VAC14: variants seen among roughly 807,000 people sequenced by gnomAD.
VAC14 encodes the protein VAC14 component of PIKFYVE complex.
VAC14 carries 47 observed loss-of-function variants against 85.3 expected under a neutral mutation model. That is an observed-to-expected ratio of 0.55 (90% CI 0.44 to 0.70). The LOEUF (loss-of-function observed/expected upper bound fraction) is 0.70, where lower values mean the gene tolerates loss of function less well. Ranked by LOEUF, VAC14 falls within the 30% of genes least tolerant of loss-of-function variation. VAC14 has a pLI of 0.00. For synonymous variants in VAC14, 447 were observed against 430.5 expected, an observed-to-expected ratio of 1.04 and a Z score of -0.47; for missense variants, 861 against 1,004.3, an observed-to-expected ratio of 0.86 and a Z score of 1.93.
At chr16:70,782,391 T>G (rs2033856927) in intron 7 of VAC14, among the ~76,000 whole-genome samples, 1 of 152,376 alleles carries the variant, frequency 6.6e-6, no homozygotes, top group South Asian at 2.1e-4. Context: ...CCTTGCTCAC[T>G]TCTACTGTCT....
At chr16:70,763,315 G>A (rs770722663) in intron 10 of VAC14, among the ~76,000 whole-genome samples, 1 of 152,170 alleles carries the variant, frequency 6.6e-6, no homozygotes, top group Non-Finnish European at 1.5e-5. Flanking sequence ...GGGGGATGAG[G>A]ACCAGTCTGC....
At chr16:70,739,168 G>A (rs2030008081) in intron 13 of VAC14, among the ~76,000 whole-genome samples, 1 of 152,226 alleles carries the variant, frequency 6.6e-6, no homozygotes, top group African/African-American at 2.4e-5. Flanking sequence ...TATAGAGAGG[G>A]AAGAAGTAGC....
At position 70,785,854 on chromosome 16, in the gene VAC14, G is replaced by C; in HGVS notation, c.271C>G (p.Leu91Val). 6.2e-7 allele frequency: 1 copy of C among 1,605,096 alleles called. No individual in the cohort carries two copies. Among genetic ancestry groups the C allele is most frequent in the Non-Finnish European group, 8.5e-7 (1 of 1,175,396 alleles). ...AGCACTGGCTCGATCAGCTCCTTCA[G>C]GTAGAGCCCTGAGTCCTGCAAGGAG... ...IALGKDSGLY[L>V]KELIEPVLTC... The change falls in exon 3 of 19, where the codon CTG (leucine) becomes GTG (valine). Residue 91 changes from leucine (L) to valine (V), a missense_variant. Leu to Val is a conservative substitution (Grantham distance 32). This residue lies in a region of VAC14 where 629 missense variants were observed against 703.1 expected (regional missense o/e 0.89). Coordinates refer to ENST00000261776, the MANE Select transcript of VAC14 (RefSeq NM_018052.5).
At chr16:70,783,161 T>C in intron 6 of VAC14, 22 bp from the exon 7 acceptor site, 2 of 1,609,668 alleles carry the variant, frequency 1.2e-6, no homozygotes, top group Non-Finnish European at 1.7e-6. Flanking sequence ...AACAGGAAAG[T>C]GGAAACAGCG....
At position 70,785,337 on chromosome 16, in the gene VAC14, CACTTATGAGCTAG is replaced by C. The variant is rs1225803415; in HGVS notation, c.423+352_423+364del. Reference sequence around the variant, plus strand: ...AGGAGAGCATGAGCTTTTTCTAGGGCACTTATGAGCTAGACTAAGTGCAGCCCTCCCTAAAGGG... The same window carrying C: ...AGGAGAGCATGAGCTTTTTCTAGGGCACTAAGTGCAGCCCTCCCTAAAGGG... On this transcript the variant is annotated intron_variant, in intron 3 of 18. Coordinates refer to ENST00000261776, the MANE Select transcript of VAC14 (RefSeq NM_018052.5). Among the ~76,000 whole-genome samples the C allele has an allele frequency of 2.0e-5, 3 of 152,224 alleles. No individual in the cohort carries two copies. In the East Asian group the frequency reaches 5.8e-4, roughly 29 times the overall value.
intron 13 of VAC14, among the ~76,000 whole-genome samples, chr16:70,736,025 G>A (rs771172243): frequency 2.6e-5 from 4 of 152,198 alleles, no homozygotes; most frequent in Admixed American, 6.5e-5. Context: ...GTAGGCCGTG[G>A]TGGCCTGGCT....
At chr16:70,767,008 A>G (rs2032866425) in intron 10 of VAC14, among the ~76,000 whole-genome samples, 1 of 152,244 alleles carries the variant, frequency 6.6e-6, no homozygotes, top group South Asian at 2.1e-4. Flanking sequence ...GAGCTCACTC[A>G]GTTTAAAATA....
At chr16:70,734,547 C>T (rs2054691542) in intron 13 of VAC14, among the ~76,000 whole-genome samples, 1 of 152,118 alleles carries the variant, frequency 6.6e-6, no homozygotes, top group Non-Finnish European at 1.5e-5. Context: ...ATGAAATTAC[C>T]TAATCTAAGG....
intron 12 of VAC14, among the ~76,000 whole-genome samples, chr16:70,749,318 A>G (rs764419231): frequency 1.3e-5 from 2 of 152,268 alleles, no homozygotes; most frequent in African/African-American, 4.8e-5. Flanking sequence ...ACTGCAGAGC[A>G]CAGCCAGCAA....
At chr16:70,724,541 G>T in intron 14 of VAC14, among the ~76,000 whole-genome samples, 1 of 152,298 alleles carries the variant, frequency 6.6e-6, no homozygotes, top group Middle Eastern at 3.4e-3. Context: ...CTGTGTGTCA[G>T]ACTGGGCCTC....
Position 70,692,873 on chromosome 16 carries a change from G to A in VAC14, c.2134C>T (p.Leu712=). The A allele has an allele frequency of 6.2e-7, 1 of 1,606,442 alleles. No homozygotes were observed. Among genetic ancestry groups the A allele is most frequent in the Middle Eastern group, 1.7e-4 (1 of 5,970 alleles). ...ACGCACTGGAGCCGGTGCGAGAGCA[G>A]CTGGAAGGCGCTGCTCTGCGGCAGG... ...MLLPQSSAFQ[L]LSHRLQCVPN... is the part of the protein sequence containing the mutation. Residue 712 remains leucine, a synonymous_variant, in exon 18 of 19, where the codon CTG becomes TTG. Coordinates refer to ENST00000261776, the MANE Select transcript of VAC14 (RefSeq NM_018052.5).
intron 14 of VAC14, among the ~76,000 whole-genome samples, chr16:70,711,684 G>A (rs1409032060): frequency 2.0e-5 from 3 of 152,158 alleles, no homozygotes; most frequent in Admixed American, 6.5e-5. Context: ...CCCTGGGCAC[G>A]GGCCATTCCT....
intron 12 of VAC14, among the ~76,000 whole-genome samples, chr16:70,757,271 G>A (rs2031946697): frequency 6.6e-6 from 1 of 152,220 alleles, no homozygotes; most frequent in South Asian, 2.1e-4. Flanking sequence ...TGGCTGTGGA[G>A]GCTCCAATGC....
Position 70,762,886 on chromosome 16 carries a change from G to T in VAC14, c.1300C>A (p.Arg434=), listed in dbSNP as rs144772551. The T allele has an allele frequency of 5.0e-6, 8 of 1,614,074 alleles. No individual in the cohort carries two copies. The highest frequency in any genetic ancestry group is 6.8e-6 in the Non-Finnish European group (8 of 1,180,048). ...WLYHLYIKTP[R]KMFRHTDSLF... ...TGGAGGGGCCCAGGGCTCACCTTCC[G>T]AGGAGTTTTGATGTAGAGGTGGTAG... The change falls in exon 11 of 19, where the codon CGG becomes AGG. Residue 434 remains arginine, a synonymous_variant. Transcript: ENST00000261776. The surrounding 1 kb of genome is among the most constrained non-coding windows in gnomAD (Gnocchi z 4.1).
intron 16 of VAC14, among the ~76,000 whole-genome samples, chr16:70,696,293 G>A (rs747620940): frequency 4.6e-5 from 7 of 152,108 alleles, no homozygotes; most frequent in Non-Finnish European, 7.4e-5. Context: ...TGGGCAGATC[G>A]CTTGAGGTCA....
At chr16:70,694,181 A>G (rs1230958207) in intron 17 of VAC14, among the ~76,000 whole-genome samples, 3 of 152,196 alleles carry the variant, frequency 2.0e-5, no homozygotes, top group African/African-American at 7.2e-5. Context: ...GGGCTTGAGG[A>G]GAAGGTGCTT....
At chr16:70,692,434 G>A (rs2053614607) in intron 18 of VAC14, among the ~76,000 whole-genome samples, 2 of 152,126 alleles carry the variant, frequency 1.3e-5, no homozygotes, top group African/African-American at 4.8e-5. Flanking sequence ...GACAGCCACT[G>A]GGGCCCCCAT....
chr16:70,744,062 A>C (rs564615060), intron 13 of VAC14, among the ~76,000 whole-genome samples: 1 of 152,158 alleles, frequency 6.6e-6, no homozygotes, highest in East Asian at 1.9e-4. Context: ...CTAGTCTTCC[A>C]CCTGTTAGAC....
intron 16 of VAC14, chr16:70,695,832 C>T (rs1454637993): frequency 1.9e-6 from 1 of 530,834 alleles, no homozygotes; most frequent in African/African-American, 1.9e-5. Context: ...GTTCCAGGTT[C>T]CACTCTAGCA....
Sources: allele counts gnomAD v4.1 joint callset (sites outside exome capture counted in the v4.1 genomes callset), GRCh38; gene constraint gnomAD v4.1.1; regional missense constraint gnomAD v4.1.1; non-coding constraint Gnocchi (gnomAD v3.1); transcripts MANE v1.5; gene names NCBI Gene and HGNC (gene_info 2026-07-23, HGNC 2026-07-21).